The following PHACTR1 variants were observed in gnomAD, a reference collection of about 807,000 sequenced individuals.
The protein encoded by PHACTR1 is RPEL repeat containing 1.
A neutral mutation model predicts 69.2 loss-of-function variants in PHACTR1; 16 were observed. The observed-to-expected ratio is 0.23, with a 90% CI of 0.16 to 0.35. The LOEUF (loss-of-function observed/expected upper bound fraction) is 0.35. Among genes scored for constraint, PHACTR1 ranks in the 10% least tolerant of loss-of-function variants. The pLI is 1.00. For missense variants in PHACTR1, 510 were observed against 734.7 expected (o/e 0.69, Z 3.54); for synonymous variants, 312 against 284.5 (o/e 1.10, Z -0.97).
At chr6:12,730,986 TTTTATTTATTTATTTATTTA>T (rs10648753) in intron 3 of PHACTR1, among the ~76,000 whole-genome samples, 14 of 137,996 alleles carry the variant, frequency 1.0e-4, no homozygotes, top group African/African-American at 3.0e-4. Flanking sequence ...ATATTACCTT[TTTTATTTATTTATTTATTTA>T]TTTATTTATT....
intron 4 of PHACTR1, among the ~76,000 whole-genome samples, chr6:12,805,873 C>G (rs1774267766): frequency 6.6e-6 from 1 of 152,204 alleles, no homozygotes; most frequent in Admixed American, 6.5e-5. Context: ...AGTGCTGGGA[C>G]TACGGGCGTG....
At chr6:12,922,202 G>T (rs193159889) in intron 4 of PHACTR1, among the ~76,000 whole-genome samples, 3 of 152,076 alleles carry the variant, frequency 2.0e-5, no homozygotes, top group African/African-American at 7.2e-5. Flanking sequence ...CCTCACAAAG[G>T]ACTCTTCTCC....
At chr6:13,095,380 C>G (rs1384781989) in intron 5 of PHACTR1, among the ~76,000 whole-genome samples, 1 of 152,202 alleles carries the variant, frequency 6.6e-6, no homozygotes, top group African/African-American at 2.4e-5. Flanking sequence ...TGGCAGCCTG[C>G]ATCACCATCC....
Position 12,982,751 on chromosome 6 carries a change from A to G in PHACTR1, c.251-70614A>G, listed in dbSNP as rs1795675335. Among the ~76,000 whole-genome samples, 3 of 152,228 alleles carry G rather than the reference A, an allele frequency of 2.0e-5. No individual in the cohort carries two copies. In the South Asian group the frequency reaches 6.2e-4, roughly 32 times the overall value. ...ACTTTTCCAAAAATCGCTAGACTTG[A>G]AATTGAACAACTGGGGTCCAAACTC... is the stretch of plus-strand genomic sequence containing the variant. On this transcript the variant is annotated intron_variant, in intron 4 of 14. Coordinates refer to ENST00000332995, the MANE Select transcript of PHACTR1 (RefSeq NM_030948.6).
chr6:13,187,469 G>A (rs1015115025), intron 7 of PHACTR1, among the ~76,000 whole-genome samples: 1 of 152,180 alleles, frequency 6.6e-6, no homozygotes, highest in Admixed American at 6.5e-5. Context: ...CTGAGTAGGG[G>A]TGGAAGCTTC....
At chr6:13,068,190 G>A (rs1292813933) in intron 5 of PHACTR1, among the ~76,000 whole-genome samples, 1 of 152,076 alleles carries the variant, frequency 6.6e-6, no homozygotes, top group Admixed American at 6.5e-5. Context: ...AGTGGCGTGC[G>A]CCTGTAGTCC....
intron 5 of PHACTR1, among the ~76,000 whole-genome samples, chr6:13,110,147 G>A (rs1193201547): frequency 1.3e-5 from 2 of 151,854 alleles, no homozygotes; most frequent in Non-Finnish European, 2.9e-5. Flanking sequence ...TCTATTGACT[G>A]ATTTTTTTTC....
At chr6:13,018,825 G>A (rs2127663090) in intron 4 of PHACTR1, among the ~76,000 whole-genome samples, 1 of 152,160 alleles carries the variant, frequency 6.6e-6, no homozygotes, top group South Asian at 2.1e-4. Flanking sequence ...AGATGGCACA[G>A]GGTTTTTAAG....
intron 7 of PHACTR1, among the ~76,000 whole-genome samples, chr6:13,190,029 T>TC (rs1179903240): frequency 4.1e-5 from 6 of 147,144 alleles, no homozygotes; most frequent in Admixed American, 4.0e-4. Flanking sequence ...TCTGCTTTTT[T>TC]TTTTTTTTTT....
At chr6:13,016,567 G>A (rs1800202977) in intron 4 of PHACTR1, among the ~76,000 whole-genome samples, 2 of 151,400 alleles carry the variant, frequency 1.3e-5, no homozygotes, top group African/African-American at 4.9e-5. Flanking sequence ...GATAAAATAT[G>A]TCTGGTTATT....
chr6:12,788,658 G>A (rs1044570724), intron 4 of PHACTR1, among the ~76,000 whole-genome samples: 1 of 152,218 alleles, frequency 6.6e-6, no homozygotes, highest in African/African-American at 2.4e-5. Flanking sequence ...AAATCTGACA[G>A]AGAAAAGTGG....
intron 5 of PHACTR1, among the ~76,000 whole-genome samples, chr6:13,106,441 A>C (rs1816145994): frequency 6.6e-6 from 1 of 152,144 alleles, no homozygotes; most frequent in African/African-American, 2.4e-5. Flanking sequence ...GTATGATGTT[A>C]GCTACAGGTT....
intron 11 of PHACTR1, chr6:13,273,228 G>T (rs958950578): frequency 6.1e-6 from 2 of 328,610 alleles, no homozygotes; most frequent in Non-Finnish European, 5.6e-6. Context: ...TTTAAGAGCA[G>T]GGTCACCTTT....
chr6:12,929,967 T>A (rs1256417208), intron 4 of PHACTR1, among the ~76,000 whole-genome samples: 1 of 152,220 alleles, frequency 6.6e-6, no homozygotes, highest in African/African-American at 2.4e-5. Flanking sequence ...ACCACTTTTT[T>A]TAAAAATAAA....
chr6:12,954,062 T>A (rs553404675), intron 4 of PHACTR1, among the ~76,000 whole-genome samples: 1 of 152,132 alleles, frequency 6.6e-6, no homozygotes, highest in Non-Finnish European at 1.5e-5. Context: ...CAGGAAACAG[T>A]TGAGCTGGGC....
chr6:13,116,847 TATC>T (rs1309089855), intron 5 of PHACTR1, among the ~76,000 whole-genome samples: 9 of 152,220 alleles, frequency 5.9e-5, no homozygotes, highest in African/African-American at 2.2e-4. Context: ...ACAATATTAT[TATC>T]CTCGTCAGAT....
chr6:13,271,455 A>G (rs1460284871), intron 10 of PHACTR1, among the ~76,000 whole-genome samples: 1 of 151,742 alleles, frequency 6.6e-6, no homozygotes, highest in Non-Finnish European at 1.5e-5. Context: ...GGCCCAGCAC[A>G]ATAAACAAAA....
At chr6:13,122,569 C>G (rs1232805308) in intron 5 of PHACTR1, among the ~76,000 whole-genome samples, 2 of 152,214 alleles carry the variant, frequency 1.3e-5, no homozygotes, top group Non-Finnish European at 1.5e-5. Flanking sequence ...GTTTGTCAAA[C>G]TTGTAAGAAT....
chr6:12,785,982 TA>T (rs1163261579), intron 4 of PHACTR1, among the ~76,000 whole-genome samples: 12 of 152,178 alleles, frequency 7.9e-5, no homozygotes, highest in Admixed American at 7.9e-4. Flanking sequence ...ATTGTGCTAA[TA>T]ACATCATTCT....
Sources: allele counts gnomAD v4.1 joint callset (sites outside exome capture counted in the v4.1 genomes callset), GRCh38; gene constraint gnomAD v4.1.1; transcripts MANE v1.5; gene names NCBI Gene and HGNC (gene_info 2026-07-23, HGNC 2026-07-21).